Variants in PRDM11 observed in about 807,000 individuals in gnomAD.
PRDM11 encodes PR/SET domain 11, also known as PR domain-containing protein 11.
In PRDM11, 20 loss-of-function variants were observed where a neutral mutation model predicts 97.8. The observed-to-expected ratio is 0.20, with a 90% confidence interval of 0.14 to 0.30. PRDM11 has a LOEUF of 0.30. Ranked by LOEUF, PRDM11 falls within the 10% of genes least tolerant of loss-of-function variation. PRDM11 has a pLI of 1.00. For synonymous variants in PRDM11, 599 were observed against 637.7 expected, an observed-to-expected ratio of 0.94 and a Z score of 0.91; for missense variants, 1,139 against 1,555.2, an observed-to-expected ratio of 0.73 and a Z score of 4.50.
At chr11:45,122,631 G>A (rs1737259676) in intron 1 of PRDM11, among the ~76,000 whole-genome samples, 1 of 151,932 alleles carries the variant, frequency 6.6e-6, no homozygotes, top group South Asian at 2.1e-4. Context: ...TGAGAATGAT[G>A]ACTTCCAGTT....
intron 4 of PRDM11, among the ~76,000 whole-genome samples, chr11:45,195,010 T>C (rs1853067259): frequency 6.6e-6 from 1 of 151,922 alleles, no homozygotes; most frequent in African/African-American, 2.4e-5. Context: ...GATCTCCAGT[T>C]CATCATCTCC....
At chr11:45,141,499 A>G (rs1047730439) in intron 1 of PRDM11, among the ~76,000 whole-genome samples, 1 of 152,242 alleles carries the variant, frequency 6.6e-6, no homozygotes, top group Admixed American at 6.5e-5. Flanking sequence ...GCAATAGACA[A>G]CTTGTAAATT....
intron 1 of PRDM11, among the ~76,000 whole-genome samples, chr11:45,125,175 C>A (rs1457461349): frequency 2.6e-5 from 4 of 151,782 alleles, no homozygotes; most frequent in Non-Finnish European, 4.4e-5. Context: ...TCTGTGGGAT[C>A]GGTGGTGATA....
At chr11:45,117,738 T>C (rs769872042) in intron 1 of PRDM11, among the ~76,000 whole-genome samples, 3 of 151,688 alleles carry the variant, frequency 2.0e-5, no homozygotes, top group Non-Finnish European at 4.4e-5. Flanking sequence ...TAGAGCAAGA[T>C]GCCATCTCAA....
intron 5 of PRDM11, among the ~76,000 whole-genome samples, chr11:45,214,898 C>T (rs780962171): frequency 5.3e-5 from 8 of 152,142 alleles, no homozygotes; most frequent in Non-Finnish European, 1.0e-4. Flanking sequence ...CTATAAACTG[C>T]CAGATTCCCT....
chr11:45,108,261 G>A (rs1287845579), intron 1 of PRDM11, among the ~76,000 whole-genome samples: 5 of 152,160 alleles, frequency 3.3e-5, no homozygotes, highest in Non-Finnish European at 7.4e-5. Context: ...AATTCCCCAT[G>A]AGTGTGACCC....
chr11:45,196,679 C>T lies in PRDM11; in HGVS notation c.487-8032C>T, dbSNP rs138469087. On this transcript the variant is annotated intron_variant, in intron 4 of 7. Coordinates refer to ENST00000683152, the MANE Select transcript of PRDM11 (RefSeq NM_001384648.1). ...CTATTGCCTTTCACCAGGAGCCTGC[C>T]TCCTTACCAAGGAGAGCAAGGCTGT... 2.3e-3 allele frequency among the ~76,000 whole-genome samples: 354 copies of T among 152,324 alleles called. 4 individuals carry two copies. The highest frequency in any genetic ancestry group is 8.3e-3 in the African/African-American group (343 of 41,554).
At chr11:45,148,448 A>G (rs1332636784) in intron 1 of PRDM11, among the ~76,000 whole-genome samples, 1 of 152,206 alleles carries the variant, frequency 6.6e-6, no homozygotes, top group Non-Finnish European at 1.5e-5. Context: ...GGCAGAAGGT[A>G]CTGACCTGGG....
intron 4 of PRDM11, among the ~76,000 whole-genome samples, chr11:45,204,082 G>T (rs993473496): frequency 3.9e-5 from 6 of 152,218 alleles, no homozygotes; most frequent in Admixed American, 3.9e-4. Flanking sequence ...TGTTGCTTTT[G>T]CGCCGATGGC....
chr11:45,132,822 C>T (rs530540299), intron 1 of PRDM11, among the ~76,000 whole-genome samples: 31 of 152,160 alleles, frequency 2.0e-4, no homozygotes, highest in Non-Finnish European at 3.7e-4. Context: ...TAGTGATTGG[C>T]GCTTTAGAAA....
chr11:45,147,892 G>A (rs1188642893), intron 1 of PRDM11, among the ~76,000 whole-genome samples: 1 of 152,196 alleles, frequency 6.6e-6, no homozygotes, highest in Non-Finnish European at 1.5e-5. Context: ...TTTGTGCGTG[G>A]GGCCAGGAGG....
intron 1 of PRDM11, among the ~76,000 whole-genome samples, chr11:45,173,050 A>T (rs1314897951): frequency 2.0e-5 from 3 of 152,220 alleles, no homozygotes; most frequent in Non-Finnish European, 4.4e-5. Context: ...GGTCAAAATA[A>T]GTCAAATGTC....
At chr11:45,104,528 C>T (rs1852028763) in intron 1 of PRDM11, among the ~76,000 whole-genome samples, 3 of 152,104 alleles carry the variant, frequency 2.0e-5, no homozygotes, top group Admixed American at 1.3e-4. Context: ...ACAGGATGGG[C>T]AAGAGCCTCT....
intron 4 of PRDM11, among the ~76,000 whole-genome samples, chr11:45,190,199 T>A (rs1852861030): frequency 6.6e-6 from 1 of 151,394 alleles, no homozygotes; most frequent in Non-Finnish European, 1.5e-5. Flanking sequence ...CAGGCTGGAG[T>A]GCAGTGGCAT....
At chr11:45,193,764 G>A (rs960626401) in intron 4 of PRDM11, among the ~76,000 whole-genome samples, 2 of 152,160 alleles carry the variant, frequency 1.3e-5, no homozygotes, top group African/African-American at 4.8e-5. Context: ...TCTTGCTCAC[G>A]TATCTGCTGG....
intron 1 of PRDM11, among the ~76,000 whole-genome samples, chr11:45,105,269 C>T (rs981123827): frequency 4.6e-5 from 7 of 152,354 alleles, no homozygotes; most frequent in Admixed American, 2.0e-4. Flanking sequence ...ACCATCACAT[C>T]GGTGATTAGG....
intron 5 of PRDM11, chr11:45,213,577 G>A (rs1192168349): frequency 2.2e-6 from 1 of 456,578 alleles, no homozygotes. Context: ...CAGCTGCTGT[G>A]CTTGCCTTTT....
At chr11:45,208,780 T>C in intron 5 of PRDM11, 1 of 363,064 alleles carries the variant, frequency 2.8e-6, no homozygotes, top group Non-Finnish European at 5.5e-6. Flanking sequence ...AGGTGCCTCC[T>C]GGCTCCCCAG....
intron 1 of PRDM11, among the ~76,000 whole-genome samples, chr11:45,181,081 C>G (rs1162325419): frequency 6.6e-6 from 1 of 152,212 alleles, no homozygotes; most frequent in African/African-American, 2.4e-5. Context: ...GCGTGCCACC[C>G]TCGCCCCGAA....
Sources: allele counts gnomAD v4.1 joint callset (sites outside exome capture counted in the v4.1 genomes callset), GRCh38; gene constraint gnomAD v4.1.1; transcripts MANE v1.5; gene names NCBI Gene and HGNC (gene_info 2026-07-23, HGNC 2026-07-21).